TNXB: variants seen among roughly 807,000 people sequenced by gnomAD.
TNXB encodes the protein tenascin XB, also known as tenascin-X.
Under a neutral mutation model 340.5 loss-of-function variants are expected in TNXB, and 183 were observed. The observed-to-expected ratio is 0.54, with a 90% CI of 0.48 to 0.61. TNXB has a LOEUF of 0.61. Among genes scored for constraint, TNXB ranks in the 20% least tolerant of loss-of-function variants. The probability of loss-of-function intolerance (pLI) is 0.00; values close to 1 mark genes in which losing one functional copy is unlikely to be tolerated. For synonymous variants in TNXB, 2,121 were observed against 2,314.5 expected, an observed-to-expected ratio of 0.92 and a Z score of 2.40; for missense variants, 4,613 against 5,446.4, an observed-to-expected ratio of 0.85 and a Z score of 4.82.
At position 32,056,017 on chromosome 6, in the gene TNXB, G is replaced by T. The variant is rs760906844; in HGVS notation, c.8301C>A (p.Thr2767=). The T allele has an allele frequency of 5.6e-6, 9 of 1,613,028 alleles. No individual in the cohort carries two copies. Among genetic ancestry groups the T allele is most frequent in the African/African-American group, 2.7e-5 (2 of 74,912 alleles). ...GCCCGTCCCTGTCCTTGTACTGCACGGTGAAGGAGTCGAAGTGGCCCTGGG... is the reference window on the plus strand; with the variant it reads ...GCCCGTCCCTGTCCTTGTACTGCACTGTGAAGGAGTCGAAGTGGCCCTGGG... ...TIPQGHFDSF[T]VQYKDRDGRP... The change falls in exon 24 of 44, where the codon ACC becomes ACA. Residue 2767 remains threonine (T), a synonymous_variant. Transcript: ENST00000644971.
chr6:32,082,450 G>T lies in TNXB; in HGVS notation c.3446-124C>A. The T allele has an allele frequency of 9.8e-7, 1 of 1,021,522 alleles. No homozygotes were observed. The highest frequency in any genetic ancestry group is 1.4e-6 in the Non-Finnish European group (1 of 705,856). 63.3% of individuals were successfully genotyped at this position (1,021,522 alleles called of 1,614,324 possible). A position where few individuals can be genotyped will look rare whatever the true frequency, so the allele number is the denominator to read the frequency against. On this transcript the variant is annotated intron_variant, in intron 8 of 43. Transcript: ENST00000644971. This position sits in a 1 kb window ranked among gnomAD's most constrained non-coding sequence, Gnocchi z 5.0. ...TTCACTGCACAAAAGTGCATTTGCT[G>T]AGGGAGTACAGAGGGACTGAAATCC...
rs1432464496 is a variant in TNXB at position 32,074,770 on chromosome 6, T to C, written c.4376-818A>G. ...CTCTCGGCTCACCGCAACCTACGCC[T>C]CCTGGGTTCAAGCGATTCTCCTGCC... On this transcript the variant is annotated intron_variant, in intron 11 of 43. Coordinates refer to ENST00000644971, the MANE Select transcript of TNXB (RefSeq NM_001365276.2). The surrounding 1 kb of genome is among the most constrained non-coding windows in gnomAD (Gnocchi z 5.5). Among the ~76,000 whole-genome samples, 1 of 152,166 alleles carries C rather than the reference T, an allele frequency of 6.6e-6. No homozygotes were observed. The highest frequency in any genetic ancestry group is 2.4e-5 in the African/African-American group (1 of 41,436).
At position 32,073,877 on chromosome 6, in the gene TNXB, T is replaced by A. The variant is rs1778923990; in HGVS notation, c.4451A>T (p.Asp1484Val). 3 of 1,610,440 alleles carry A rather than the reference T, an allele frequency of 1.9e-6. No individual in the cohort carries two copies. Among genetic ancestry groups the A allele is most frequent in the South Asian group, 1.1e-5 (1 of 90,416 alleles). Residue 1484 changes from aspartate (D) to valine (V), a missense_variant, in exon 12 of 44, where the codon GAT (aspartate) becomes GTT (valine). This residue lies in a region of TNXB where 4,327 missense variants were observed against 4,859.4 expected (regional missense o/e 0.89). Transcript: ENST00000644971. The surrounding 1 kb of genome is among the most constrained non-coding windows in gnomAD (Gnocchi z 4.6). ...EPRLGELTVT[D>V]VTPNSVGLSW... is the part of the protein sequence containing the mutation. ...GAGGCCCACAGAGTTGGGGGTCACA[T>A]CTGTCACTGTCAGCTCTCCTAGGCG...
chr6:32,053,595 G>A lies in TNXB; in HGVS notation c.8584C>T (p.Leu2862=), dbSNP rs998550834. Reference sequence around the variant, plus strand: ...TGGCCCTCGGGGACCATCCAGGACAGGCTGAGGGAGTCAGGGGTGGCATCT... The same window carrying A: ...TGGCCCTCGGGGACCATCCAGGACAAGCTGAGGGAGTCAGGGGTGGCATCT... ...VTDATPDSLS[L]SWMVPEGQFD... is the part of the protein sequence containing the mutation. Residue 2862 remains leucine (L), a synonymous_variant, in exon 25 of 44, where the codon CTG becomes TTG. Coordinates refer to ENST00000644971, the MANE Select transcript of TNXB (RefSeq NM_001365276.2). 6.2e-7 allele frequency: 1 copy of A among 1,613,700 alleles called. No homozygotes were observed. The highest frequency in any genetic ancestry group is 1.7e-5 in the Admixed American group (1 of 60,024).
chr6:32,089,259 T>G lies in TNXB; in HGVS notation c.2479A>C (p.Ser827Arg), dbSNP rs1275971443. ...QVTVRALRGT[S>R]WGLPASKTIT... ...GTCTTGGAGGCAGGAAGGCCCCAGC[T>G]GGTCCCTCGAAGGGCTCGGACAGTG... Residue 827 changes from serine (S) to arginine (R), a missense_variant, in exon 5 of 44, where the codon AGC (serine) becomes CGC (arginine). Coordinates refer to ENST00000644971, the MANE Select transcript of TNXB (RefSeq NM_001365276.2). This position sits in a 1 kb window ranked among gnomAD's most constrained non-coding sequence, Gnocchi z 6.2. The G allele has an allele frequency of 6.2e-7, 1 of 1,606,460 alleles. No homozygotes were observed. Among genetic ancestry groups the G allele is most frequent in the Non-Finnish European group, 8.5e-7 (1 of 1,177,402 alleles).
chr6:32,106,477 G>A (rs544321999), intron 1 of TNXB, among the ~76,000 whole-genome samples: 32 of 152,076 alleles, frequency 2.1e-4, no homozygotes, highest in Non-Finnish European at 3.4e-4. Flanking sequence ...ACTGGTAGGC[G>A]GAGGTGACTG....
Position 32,085,835 on chromosome 6 carries a change from A to C in TNXB, c.3063T>G (p.Pro1021=). 6.2e-7 allele frequency: 1 copy of C among 1,605,756 alleles called. No homozygotes were observed. Among genetic ancestry groups the C allele is most frequent in the Non-Finnish European group, 8.5e-7 (1 of 1,177,168 alleles). The change falls in exon 7 of 44, where the codon CCT becomes CCG. Residue 1021 remains proline (P), a synonymous_variant. Coordinates refer to ENST00000644971, the MANE Select transcript of TNXB (RefSeq NM_001365276.2). This position sits in a 1 kb window ranked among gnomAD's most constrained non-coding sequence, Gnocchi z 6.4. ...DVRQALVPPP[P]PGTPYELSLH... is the part of the protein sequence containing the mutation. ...GTGACAGCTCATACGGGGTTCCAGG[A>C]GGGGGTGGAGGCACCAGAGCCTGGC... is the stretch of plus-strand genomic sequence containing the variant.
In TNXB at chr6:32,046,558, T is replaced by C. The variant is rs1302949876; in HGVS notation, c.10325-102A>G. The C allele has an allele frequency of 8.2e-6, 9 of 1,094,574 alleles. No homozygotes were observed. Among genetic ancestry groups the C allele is most frequent in the Non-Finnish European group, 1.1e-5 (9 of 795,320 alleles). The allele number at this position is 1,094,574 out of a possible 1,614,324, so 67.8% of individuals were successfully genotyped here. On this transcript the variant is annotated intron_variant, in intron 30 of 43. Transcript: ENST00000644971. This position sits in a 1 kb window ranked among gnomAD's most constrained non-coding sequence, Gnocchi z 6.9. ...AGGTTCTGGGAAATGGTCCCTCCAGTGTAGCCCCAGGGACAGCTCCTTGAG... is the reference window on the plus strand; with the variant it reads ...AGGTTCTGGGAAATGGTCCCTCCAGCGTAGCCCCAGGGACAGCTCCTTGAG...
In TNXB at chr6:32,069,495, C is replaced by A; in HGVS notation, c.5587+58G>T. The stretch of plus-strand genomic sequence containing the variant: ...AAGCTCAGAGATCTTATGGCTCAGT[C>A]AGACCAGGAGAGCCAGGCGGGAAGG... On this transcript the variant is annotated intron_variant, in intron 15 of 43. Transcript: ENST00000644971. The surrounding 1 kb of genome is among the most constrained non-coding windows in gnomAD (Gnocchi z 6.2). 2.0e-6 allele frequency: 3 copies of A among 1,490,952 alleles called. No homozygotes were observed. The highest frequency in any genetic ancestry group is 4.5e-5 in the Admixed American group (2 of 44,672). 92.4% of individuals were successfully genotyped at this position (1,490,952 alleles called of 1,614,324 possible).
At chr6:32,054,212 G>A (rs1219787913) in intron 24 of TNXB, among the ~76,000 whole-genome samples, 2 of 151,990 alleles carry the variant, frequency 1.3e-5, no homozygotes, top group African/African-American at 2.4e-5. Context: ...CCTAGTTTGA[G>A]CCACTGTCAC....
rs1249785319 is a variant in TNXB, at chr6:32,081,279, A to T, written c.4042+89T>A. 7.5e-7 allele frequency: 1 copy of T among 1,331,524 alleles called. No homozygotes were observed. Among genetic ancestry groups the T allele is most frequent in the Non-Finnish European group, 1.0e-6 (1 of 979,442 alleles). 82.5% of individuals were successfully genotyped at this position (1,331,524 alleles called of 1,614,324 possible). A position where few individuals can be genotyped will look rare whatever the true frequency, so the allele number is the denominator to read the frequency against. On this transcript the variant is annotated intron_variant, in intron 10 of 43. Transcript: ENST00000644971. The surrounding 1 kb of genome is among the most constrained non-coding windows in gnomAD (Gnocchi z 5.1). Reference sequence around the variant, plus strand: ...TTGGCAAAATGAGCTGAGAAGGCGAAGATGGAGGGAGGCTGGAAGGAGCCC... The same window carrying T: ...TTGGCAAAATGAGCTGAGAAGGCGATGATGGAGGGAGGCTGGAAGGAGCCC...
intron 11 of TNXB, among the ~76,000 whole-genome samples, chr6:32,078,099 G>GAA (rs1554327360): frequency 1.3e-4 from 14 of 108,172 alleles, no homozygotes; most frequent in East Asian, 9.9e-4. Flanking sequence ...AAGAAAGAAA[G>GAA]AAAGAAAGAA....
chr6:32,097,412 A>G lies in TNXB; in HGVS notation c.441T>C (p.Gly147=). 2.5e-6 allele frequency: 4 copies of G among 1,606,010 alleles called. No homozygotes were observed. Among genetic ancestry groups the G allele is most frequent in the Non-Finnish European group, 8.5e-7 (1 of 1,177,760 alleles). Residue 147 remains glycine (G), a synonymous_variant, in exon 3 of 44, where the codon GGT becomes GGC. Transcript: ENST00000644971. The surrounding 1 kb of genome is among the most constrained non-coding windows in gnomAD (Gnocchi z 5.9). ...TDVRTLCSLH[G]VFDLSRCTCS... is the part of the protein sequence containing the mutation. ...AGGTGCAGCGGCTCAGATCAAACAC[A>G]CCATGGAGACTGCAGAGGGTCCGCA...
rs1349694464 is a variant in TNXB at position 32,070,996 on chromosome 6, G to C, written c.4991-582C>G. 1.3e-5 allele frequency among the ~76,000 whole-genome samples: 2 copies of C among 152,186 alleles called. No individual in the cohort carries two copies. The highest frequency in any genetic ancestry group is 4.8e-5 in the African/African-American group (2 of 41,436). The stretch of plus-strand genomic sequence containing the variant: ...GTGGGCTGCCTGTGAGAATGTTGAG[G>C]GGGATGATGCCGGGGAGCTCAGGCA... On this transcript the variant is annotated intron_variant, in intron 13 of 43. Coordinates refer to ENST00000644971, the MANE Select transcript of TNXB (RefSeq NM_001365276.2). This position sits in a 1 kb window ranked among gnomAD's most constrained non-coding sequence, Gnocchi z 6.0.
chr6:32,057,969 T>A (rs887308629), intron 22 of TNXB, 89 bp downstream of exon 22: 1 of 1,426,488 alleles, frequency 7.0e-7, no homozygotes, highest in African/African-American at 1.4e-5. Flanking sequence ...GTGAGCCCCA[T>A]CAAGACAGAA....
At position 32,108,506 on chromosome 6, in the gene TNXB, T is replaced by A. The variant is rs1333976019; in HGVS notation, c.-9+675A>T. 6.6e-6 allele frequency among the ~76,000 whole-genome samples: 1 copy of A among 151,942 alleles called. No homozygotes were observed. Among genetic ancestry groups the A allele is most frequent in the Non-Finnish European group, 1.5e-5 (1 of 67,976 alleles). ...GCCCTGCTGAACCGTGAGTCATGAG[T>A]GCAGAGCTCTGGCCAAGAACAAGTT... On this transcript the variant is annotated intron_variant, in intron 1 of 43. Transcript: ENST00000644971. The surrounding 1 kb of genome is among the most constrained non-coding windows in gnomAD (Gnocchi z 4.8).
intron 1 of TNXB, among the ~76,000 whole-genome samples, chr6:32,105,814 G>A (rs990617033): frequency 9.2e-5 from 14 of 152,124 alleles, no homozygotes; most frequent in African/African-American, 3.4e-4. Context: ...CTATGACCCC[G>A]CAATTCCACT....
rs1284432410 is a variant in TNXB, at chr6:32,047,891, G to A, written c.10167C>T (p.Tyr3389=). 8 of 1,612,566 alleles carry A rather than the reference G, an allele frequency of 5.0e-6. No individual in the cohort carries two copies. The highest frequency in any genetic ancestry group is 4.5e-5 in the East Asian group (2 of 44,904). The change falls in exon 30 of 44, where the codon TAC becomes TAT. Residue 3389 remains tyrosine (Y), a synonymous_variant. Transcript: ENST00000644971. This position sits in a 1 kb window ranked among gnomAD's most constrained non-coding sequence, Gnocchi z 6.2. ...EGEFDSFVVQ[Y]KDKDGRLQVV... ...CCTGGAGCCGACCATCCTTATCCTT[G>A]TACTGGACCACGAAGGAGTCGAATT... is the stretch of plus-strand genomic sequence containing the variant.
At position 32,065,112 on chromosome 6, in the gene TNXB, C is replaced by T. The variant is rs754026612; in HGVS notation, c.6550G>A (p.Glu2184Lys). ...AGAGGAGCATCAGGGGACTCCTCTT[C>T]GGGGGCTAGGAAGAGATAGAAACAG... ...PVSAVGVTAP[E>K]EESPDAPLAK... is the part of the protein sequence containing the mutation. Residue 2184 changes from glutamate to lysine, a missense_variant, in exon 19 of 44, where the codon GAA becomes AAA. Around this residue, in one of 7 missense-constraint regions of TNXB, gnomAD observed 4,327 missense variants for 4,859.4 expected, o/e 0.89. Coordinates refer to ENST00000644971, the MANE Select transcript of TNXB (RefSeq NM_001365276.2). 2 of 1,569,178 alleles carry T rather than the reference C, an allele frequency of 1.3e-6. No individual in the cohort carries two copies. Among genetic ancestry groups the T allele is most frequent in the African/African-American group, 1.3e-5 (1 of 74,140 alleles).
Sources: allele counts gnomAD v4.1 joint callset (sites outside exome capture counted in the v4.1 genomes callset), GRCh38; gene constraint gnomAD v4.1.1; regional missense constraint gnomAD v4.1.1; non-coding constraint Gnocchi (gnomAD v3.1); transcripts MANE v1.5; gene names NCBI Gene and HGNC (gene_info 2026-07-23, HGNC 2026-07-21).